The following HPSE2 variants were observed in gnomAD, a reference collection of about 807,000 sequenced individuals.
The protein encoded by HPSE2 is inactive heparanase-2.
In HPSE2, 38 loss-of-function variants were observed where a neutral mutation model predicts 60.5. The observed-to-expected ratio is 0.63, with a 90% CI of 0.48 to 0.82. The LOEUF is 0.82. HPSE2 is among the 40% of genes least tolerant of loss of function. HPSE2 has a pLI of 0.00. For missense variants in HPSE2, 713 were observed against 740.4 expected (o/e 0.96, Z 0.43); for synonymous variants, 295 against 293.2 (o/e 1.01, Z -0.06).
At chr10:99,276,152 T>A in the HPSE2 span, among the ~76,000 whole-genome samples, 1 of 152,218 alleles carries the variant, frequency 6.6e-6, no homozygotes, top group Non-Finnish European at 1.5e-5. Flanking sequence ...ATAAAACTAA[T>A]TTTTGAATTA....
At chr10:98,678,289 G>A (rs1311897454) in intron 6 of HPSE2, among the ~76,000 whole-genome samples, 1 of 152,142 alleles carries the variant, frequency 6.6e-6, no homozygotes, top group East Asian at 1.9e-4. Context: ...AGAAGCTACT[G>A]AAGAAAGTTT....
chr10:98,990,995 T>A (rs1017873170), intron 3 of HPSE2, among the ~76,000 whole-genome samples: 14 of 152,150 alleles, frequency 9.2e-5, no homozygotes, highest in Non-Finnish European at 1.9e-4. Context: ...CTATTAACTG[T>A]CTCTATAATT....
intron 3 of HPSE2, among the ~76,000 whole-genome samples, chr10:98,905,651 T>C (rs1590051740): frequency 6.6e-6 from 1 of 152,256 alleles, no homozygotes; most frequent in South Asian, 2.1e-4. Context: ...TTTTTCTCAA[T>C]AAATTGCTAT....
intron 11 of HPSE2, among the ~76,000 whole-genome samples, chr10:98,467,549 T>C (rs572863409): frequency 2.2e-4 from 34 of 152,194 alleles, no homozygotes; most frequent in African/African-American, 8.2e-4. Flanking sequence ...TCCGACTGTG[T>C]GTTTGTATGG....
At chr10:98,633,234 T>C (rs1006673852) in intron 7 of HPSE2, among the ~76,000 whole-genome samples, 2 of 152,234 alleles carry the variant, frequency 1.3e-5, no homozygotes, top group African/African-American at 2.4e-5. Flanking sequence ...GGTCTTGTTT[T>C]GTTGCCCAGG....
Position 98,734,265 on chromosome 10 carries a change from A to C in HPSE2, c.784+9618T>G, listed in dbSNP as rs138909025. 7.5e-4 allele frequency among the ~76,000 whole-genome samples: 114 copies of C among 152,250 alleles called. 1 individual carries two copies. The highest frequency in any genetic ancestry group is 2.6e-3 in the African/African-American group (110 of 41,550). ...TCAAGTCATCAATTGATGGTCATTT[A>C]GGTTGTTTCCACTTTTTTTGCTATT... On this transcript the variant is annotated intron_variant, in intron 4 of 11. Coordinates refer to ENST00000370552, the MANE Select transcript of HPSE2 (RefSeq NM_021828.5).
At chr10:99,229,347 C>A (rs142707845) in intron 2 of HPSE2, among the ~76,000 whole-genome samples, 43 of 152,240 alleles carry the variant, frequency 2.8e-4, no homozygotes, top group African/African-American at 9.9e-4. Flanking sequence ...TTCTCTCAAT[C>A]CTCTCAGGTA....
the HPSE2 span, among the ~76,000 whole-genome samples, chr10:99,246,290 C>T: frequency 6.6e-6 from 1 of 152,156 alleles, no homozygotes; most frequent in South Asian, 2.1e-4. Context: ...GGTATTGTGT[C>T]CTCCTGCCAC....
intron 3 of HPSE2, among the ~76,000 whole-genome samples, chr10:98,818,945 A>G (rs912439703): frequency 2.0e-5 from 3 of 152,232 alleles, no homozygotes; most frequent in Non-Finnish European, 4.4e-5. Flanking sequence ...TGTAAGGTGG[A>G]TAAAGTGAGG....
intron 3 of HPSE2, chr10:99,047,816 G>C: frequency 1.2e-6 from 1 of 811,488 alleles, no homozygotes; most frequent in South Asian, 1.3e-5. Flanking sequence ...CTATCACAAG[G>C]AATATAGGCA....
intron 3 of HPSE2, among the ~76,000 whole-genome samples, chr10:98,968,058 T>C (rs1564698452): frequency 1.3e-5 from 2 of 152,124 alleles, no homozygotes; most frequent in Admixed American, 1.3e-4. Context: ...ACATCCCCAC[T>C]ATGTAATTCA....
At chr10:99,217,057 G>A (rs1849152562) in intron 2 of HPSE2, among the ~76,000 whole-genome samples, 1 of 151,918 alleles carries the variant, frequency 6.6e-6, no homozygotes, top group Non-Finnish European at 1.5e-5. Context: ...AAAACACTAA[G>A]AACTTTATAT....
At chr10:98,978,816 A>AT (rs1332640200) in intron 3 of HPSE2, among the ~76,000 whole-genome samples, 2 of 152,182 alleles carry the variant, frequency 1.3e-5, no homozygotes, top group African/African-American at 4.8e-5. Context: ...GCATTTGCAT[A>AT]TTTGTCTACT....
chr10:98,604,519 A>G (rs1945522907), intron 9 of HPSE2, among the ~76,000 whole-genome samples: 1 of 152,196 alleles, frequency 6.6e-6, no homozygotes, highest in Non-Finnish European at 1.5e-5. Context: ...CAAAAGGTGT[A>G]ACAAACTAGA....
chr10:98,801,319 T>G (rs1003717892), intron 3 of HPSE2, among the ~76,000 whole-genome samples: 1 of 152,024 alleles, frequency 6.6e-6, no homozygotes, highest in Non-Finnish European at 1.5e-5. Context: ...TACCCACTTT[T>G]ACCACTGTTA....
At chr10:99,232,210 CGCAT>C (rs747245535) in intron 2 of HPSE2, 134 bp downstream of exon 2, 1 of 778,762 alleles carries the variant, frequency 1.3e-6, no homozygotes, top group South Asian at 1.8e-5. Context: ...CGCGCGCGCG[CGCAT>C]ACACACACAC....
chr10:98,736,688 C>G (rs1322319350), intron 4 of HPSE2, among the ~76,000 whole-genome samples: 1 of 152,198 alleles, frequency 6.6e-6, no homozygotes, highest in Non-Finnish European at 1.5e-5. Context: ...TCCTCCAGTT[C>G]TAGCATATAA....
intron 3 of HPSE2, among the ~76,000 whole-genome samples, chr10:99,103,353 A>G (rs1287484924): frequency 6.6e-6 from 1 of 152,194 alleles, no homozygotes; most frequent in Non-Finnish European, 1.5e-5. Context: ...ACAAACAGAG[A>G]GCCACATCAT....
chr10:98,520,229 A>AT (rs888697660), intron 9 of HPSE2, among the ~76,000 whole-genome samples: 3 of 152,184 alleles, frequency 2.0e-5, no homozygotes, highest in African/African-American at 7.2e-5. Context: ...GCCATTCCTG[A>AT]TTCTCTGAAC....
Sources: gnomAD v4.1 joint callset for allele counts (sites outside exome capture counted in the v4.1 genomes callset) on GRCh38, gnomAD v4.1.1 for gene constraint, MANE v1.5 for transcripts, NCBI Gene and HGNC (gene_info 2026-07-23, HGNC 2026-07-21) for gene names.